Variants in AAMDC observed in about 807,000 individuals in gnomAD.
The protein encoded by AAMDC is mth938 domain-containing protein.
Under a neutral mutation model 15.5 loss-of-function variants are expected in AAMDC, and 16 were observed. The ratio of observed to expected loss-of-function variants is 1.03; its 90% CI spans 0.70 to 1.57. The LOEUF (loss-of-function observed/expected upper bound fraction) is 1.57. Ranked by LOEUF, AAMDC falls within the 40% of genes most tolerant of loss-of-function variation. The pLI, the probability that AAMDC is intolerant of heterozygous loss-of-function variation, is 0.00. For synonymous variants in AAMDC, 51 were observed against 51.6 expected (o/e 0.99, Z 0.05); for missense variants, 141 against 144.9 (o/e 0.97, Z 0.14).
At chr11:77,847,098 G>C (rs1950179239) in intron 2 of AAMDC, among the ~76,000 whole-genome samples, 6 of 152,188 alleles carry the variant, frequency 3.9e-5, no homozygotes, top group Admixed American at 2.0e-4. Context: ...TGACTGAGCA[G>C]AAATCTTTCC....
chr11:77,883,988 G>A (rs371958707), intron 5 of AAMDC: 23 of 1,601,466 alleles, frequency 1.4e-5, no homozygotes, highest in African/African-American at 5.4e-5. Context: ...AGGCAGAAGC[G>A]AGAGGAGCAT....
intron 5 of AAMDC, among the ~76,000 whole-genome samples, chr11:77,886,348 G>C (rs1385636519): frequency 6.6e-6 from 1 of 152,196 alleles, no homozygotes; most frequent in African/African-American, 2.4e-5. Context: ...GGCCCAAGTA[G>C]GTCAGAGGAA....
At chr11:77,876,859 A>C, downstream of AAMDC, 1 of 631,594 alleles carries the variant, frequency 1.6e-6, no homozygotes, top group Non-Finnish European at 2.9e-6. Flanking sequence ...TTATCTGAAA[A>C]ATATCAGCAT....
chr11:77,830,987 C>CAAAAA lies in AAMDC; in HGVS notation c.-19+9765_-19+9769dup, dbSNP rs59283485. Among the ~76,000 whole-genome samples the CAAAAA allele has an allele frequency of 1.5e-3, 148 of 100,478 alleles. 1 individual carries two copies. Among genetic ancestry groups the CAAAAA allele is most frequent in the Middle Eastern group, 6.4e-3 (1 of 156 alleles). The allele number at this position is 100,478 out of a possible 152,430, so 65.9% of individuals were successfully genotyped here. A position where few individuals can be genotyped will look rare whatever the true frequency, so the allele number is the denominator to read the frequency against. On this transcript the variant is annotated intron_variant, in intron 1 of 3. Coordinates refer to ENST00000393427, the MANE Select transcript of AAMDC (RefSeq NM_024684.4). ...GAGACCCTGTCTCTACAAAATATAC[C>CAAAAA]AAAAAAAAAAAAAAAAAAAAAAATA...
intron 2 of AAMDC, among the ~76,000 whole-genome samples, chr11:77,854,947 C>G (rs1363426732): frequency 6.6e-6 from 1 of 152,210 alleles, no homozygotes; most frequent in Non-Finnish European, 1.5e-5. Flanking sequence ...GGCTCCCAAG[C>G]CTCAATTGTC....
chr11:77,869,102 T>G lies in AAMDC; in HGVS notation c.133-620T>G, dbSNP rs528939606. ...GTATCACCTGTCTCATAGATTCACA[T>G]GTACCATGTGGCCAAAGGAACAACT... On this transcript the variant is annotated intron_variant, in intron 2 of 3. Coordinates refer to ENST00000393427, the MANE Select transcript of AAMDC (RefSeq NM_024684.4). The G allele has an allele frequency of 1.1e-5, 3 of 276,950 alleles. No individual in the cohort carries two copies. In the Admixed American group the frequency reaches 1.2e-4, roughly 11 times the overall value. The allele number at this position is 276,950 out of a possible 1,614,324, so 17.2% of individuals were successfully genotyped here. A position where few individuals can be genotyped will look rare whatever the true frequency, so the allele number is the denominator to read the frequency against.
intron 1 of AAMDC, among the ~76,000 whole-genome samples, chr11:77,831,380 A>T (rs558948503): frequency 6.6e-6 from 1 of 152,296 alleles, no homozygotes; most frequent in East Asian, 1.9e-4. Context: ...TCCATGAAAA[A>T]ATTTTTACAT....
chr11:77,855,290 C>G (rs894801325), intron 2 of AAMDC: 5 of 152,140 alleles, frequency 3.3e-5, no homozygotes, highest in African/African-American at 1.2e-4. Flanking sequence ...CTACAGCTGG[C>G]TTGAATTCCT....
At chr11:77,822,823 A>G (rs1455295307) in intron 1 of AAMDC, among the ~76,000 whole-genome samples, 1 of 152,264 alleles carries the variant, frequency 6.6e-6, no homozygotes, top group South Asian at 2.1e-4. Context: ...TCTAAAGAAC[A>G]CTGTAAATGT....
rs1185821510 is a variant in AAMDC at position 77,842,511 on chromosome 11, A to G, written c.15A>G (p.Glu5=). 6.2e-7 allele frequency: 1 copy of G among 1,613,740 alleles called. No homozygotes were observed. MTSP[E]IASLSWGQMK... ...TGAAGTTCCTTATGACTTCCCCTGA[A>G]ATTGCTTCCTTATCATGGGGGCAAA... Residue 5 remains glutamate (E), a synonymous_variant, in exon 2 of 4, where the codon GAA becomes GAG. Coordinates refer to ENST00000393427, the MANE Select transcript of AAMDC (RefSeq NM_024684.4).
chr11:77,822,840 T>A (rs901454931), intron 1 of AAMDC, among the ~76,000 whole-genome samples: 4 of 152,206 alleles, frequency 2.6e-5, no homozygotes, highest in African/African-American at 9.6e-5. Context: ...ATGTACTTAA[T>A]GCCACTGAAG....
intron 1 of AAMDC, among the ~76,000 whole-genome samples, chr11:77,837,101 T>C (rs1949713863): frequency 6.6e-6 from 1 of 152,238 alleles, no homozygotes; most frequent in Non-Finnish European, 1.5e-5. Flanking sequence ...ATTGAACTTC[T>C]GTGTTGTTTT....
At chr11:77,838,333 T>G (rs1479817658) in intron 1 of AAMDC, among the ~76,000 whole-genome samples, 1 of 152,174 alleles carries the variant, frequency 6.6e-6, no homozygotes, top group Non-Finnish European at 1.5e-5. Flanking sequence ...ACATCTACAG[T>G]CAGTAGACTA....
chr11:77,861,962 C>G (rs903940504), intron 2 of AAMDC, among the ~76,000 whole-genome samples: 1 of 152,216 alleles, frequency 6.6e-6, no homozygotes, highest in Non-Finnish European at 1.5e-5. Flanking sequence ...TCAGTACAGT[C>G]AGGTGACAGA....
At chr11:77,883,873 C>A (rs745824061) in intron 5 of AAMDC, 1 of 1,612,692 alleles carries the variant, frequency 6.2e-7, no homozygotes, top group Admixed American at 1.7e-5. Flanking sequence ...AGTGATGAGC[C>A]GGTGCCGCCC....
At chr11:77,872,401 T>C (rs1590981251), downstream of AAMDC, 5 of 1,474,266 alleles carry the variant, frequency 3.4e-6, no homozygotes, top group East Asian at 1.2e-4. Context: ...CCCCTAAACA[T>C]TTTTGGACAC....
chr11:77,904,617 T>C (rs1952885841), downstream of AAMDC, among the ~76,000 whole-genome samples: 2 of 152,214 alleles, frequency 1.3e-5, no homozygotes, highest in Non-Finnish European at 2.9e-5. Flanking sequence ...TAAACAGTGG[T>C]AGGTCTAAAC....
chr11:77,878,215 A>G (rs1415999805), intron 5 of AAMDC, among the ~76,000 whole-genome samples: 2 of 152,100 alleles, frequency 1.3e-5, no homozygotes, highest in African/African-American at 2.4e-5. Flanking sequence ...ACAAAAAATT[A>G]GCAAGGCGTG....
At chr11:77,876,276 G>C (rs1381437085), downstream of AAMDC, among the ~76,000 whole-genome samples, 2 of 152,178 alleles carry the variant, frequency 1.3e-5, no homozygotes, top group Admixed American at 1.3e-4. Context: ...GAAGAAACCA[G>C]AGGCCTGGGT....
Sources: gnomAD v4.1 joint callset for allele counts (sites outside exome capture counted in the v4.1 genomes callset) on GRCh38, gnomAD v4.1.1 for gene constraint, MANE v1.5 for transcripts, NCBI Gene and HGNC (gene_info 2026-07-23, HGNC 2026-07-21) for gene names.